The following GPM6B variants were observed in gnomAD, a reference collection of about 807,000 sequenced individuals.
The protein encoded by GPM6B is glycoprotein M6B.
Under a neutral mutation model 27.2 loss-of-function variants are expected in GPM6B, and 4 were observed. The ratio of observed to expected loss-of-function variants is 0.15; its 90% confidence interval spans 0.07 to 0.34. The LOEUF is 0.34. GPM6B is among the 10% of genes least tolerant of loss of function. The pLI, the probability that GPM6B is intolerant of heterozygous loss-of-function variation, is 1.00. For synonymous variants in GPM6B, 124 were observed against 103.1 expected (o/e 1.20, Z -1.23); for missense variants, 183 against 261.9 (o/e 0.70, Z 2.08).
upstream of GPM6B, among the ~76,000 whole-genome samples, chrX:13,819,877 C>T (rs1341968133): frequency 9.0e-6 from 1 of 111,504 alleles, no homozygotes; most frequent in Admixed American, 9.5e-5. Flanking sequence ...TGCAGTAATG[C>T]TTAGAAACCT....
At chrX:13,776,566 G>A (rs760508723) in intron 6 of GPM6B, among the ~76,000 whole-genome samples, 1 of 111,917 alleles carries the variant, frequency 8.9e-6, no homozygotes, top group African/African-American at 3.3e-5. Flanking sequence ...ACATAGTGCT[G>A]CCTTGATGGC....
chrX:13,822,804 G>T (rs143993041), intron 1 of GPM6B, among the ~76,000 whole-genome samples: 1 of 111,574 alleles, frequency 9.0e-6, no homozygotes, highest in Admixed American at 9.5e-5. Flanking sequence ...TTAAATAGTA[G>T]ACAGAAAAGA....
intron 1 of GPM6B, among the ~76,000 whole-genome samples, chrX:13,833,809 C>A (rs2147220069): frequency 8.9e-6 from 1 of 112,571 alleles, no homozygotes; most frequent in African/African-American, 3.2e-5. Flanking sequence ...CAAGTGGAAT[C>A]AGAACGGGCT....
At chrX:13,840,005 A>G (rs1472287592) in intron 1 of GPM6B, among the ~76,000 whole-genome samples, 1 of 111,547 alleles carries the variant, frequency 9.0e-6, no homozygotes, top group Non-Finnish European at 1.9e-5. Context: ...ACAGAATAGA[A>G]CGCCCTGAAA....
chrX:13,847,493 G>GCCT (rs2049664066), intron 1 of GPM6B, among the ~76,000 whole-genome samples: 1 of 111,397 alleles, frequency 9.0e-6, no homozygotes, highest in Admixed American at 9.5e-5. Flanking sequence ...ATCCTATTGA[G>GCCT]CCTCCTCCTC....
intron 1 of GPM6B, among the ~76,000 whole-genome samples, chrX:13,892,092 G>C (rs2050193894): frequency 9.0e-6 from 1 of 111,694 alleles, no homozygotes; most frequent in Non-Finnish European, 1.9e-5. Flanking sequence ...TTTCATTTCA[G>C]GGCCAGAAAA....
At chrX:13,893,382 G>A (rs1051916993) in intron 1 of GPM6B, among the ~76,000 whole-genome samples, 2 of 101,903 alleles carry the variant, frequency 2.0e-5, no homozygotes, top group African/African-American at 7.4e-5. Flanking sequence ...CTACAAGCAC[G>A]AGACGGTGTG....
chrX:13,936,349 G>GA (rs1921836681), intron 1 of GPM6B, among the ~76,000 whole-genome samples: 2 of 111,836 alleles, frequency 1.8e-5, no homozygotes, highest in African/African-American at 6.5e-5. Flanking sequence ...TGAGTCTGAA[G>GA]GGACTTTTAT....
At chrX:13,776,872 T>G (rs2048421980) in intron 6 of GPM6B, among the ~76,000 whole-genome samples, 1 of 112,023 alleles carries the variant, frequency 8.9e-6, no homozygotes, top group Non-Finnish European at 1.9e-5. Flanking sequence ...TAGCAAGTCA[T>G]TCCAGAAATA....
At chrX:13,912,405 A>G (rs1310203426) in intron 1 of GPM6B, among the ~76,000 whole-genome samples, 2 of 111,206 alleles carry the variant, frequency 1.8e-5, no homozygotes, top group African/African-American at 6.5e-5. Flanking sequence ...AGCATCTAAA[A>G]CCCAACTGCA....
chrX:13,897,082 TTTGC>T (rs1450494921), intron 1 of GPM6B, among the ~76,000 whole-genome samples: 1 of 112,468 alleles, frequency 8.9e-6, no homozygotes, highest in Non-Finnish European at 1.9e-5. Context: ...AAAGTCTGTG[TTTGC>T]TTGTGTTAAG....
At chrX:13,812,048 C>CTTTTTTTTTTT (rs1187553585) in intron 1 of GPM6B, among the ~76,000 whole-genome samples, 1 of 88,916 alleles carries the variant, frequency 1.1e-5, no homozygotes. Flanking sequence ...TCTTTTCTTT[C>CTTTTTTTTTTT]TTTTTTTTTT....
chrX:13,788,540 G>A (rs913324122), intron 2 of GPM6B, among the ~76,000 whole-genome samples: 7 of 109,249 alleles, frequency 6.4e-5, no homozygotes, highest in Admixed American at 5.0e-4. Context: ...AATTCTCTGT[G>A]TGTATATATA....
intron 1 of GPM6B, among the ~76,000 whole-genome samples, chrX:13,894,964 G>A (rs1486011935): frequency 8.9e-6 from 1 of 111,887 alleles, no homozygotes; most frequent in African/African-American, 3.2e-5. Flanking sequence ...TAATAAGTAA[G>A]TCGCAGTCAC....
intron 1 of GPM6B, among the ~76,000 whole-genome samples, chrX:13,905,563 C>T (rs1569297911): frequency 9.0e-6 from 1 of 111,708 alleles, no homozygotes; most frequent in East Asian, 2.8e-4. Flanking sequence ...TGACCGCCTC[C>T]AAGAAGGAGT....
Position 13,790,881 on chromosome X carries a change from C to A in GPM6B, c.182-5073G>T, listed in dbSNP as rs779649823. The stretch of plus-strand genomic sequence containing the variant: ...GATTTCTAAACACACACACTCCAAC[C>A]ACCCCCTAAAGTGCTGGGAGTGCCT... On this transcript the variant is annotated intron_variant, in intron 2 of 7. Coordinates refer to ENST00000316715, the MANE Select transcript of GPM6B (RefSeq NM_001001995.3). Among the ~76,000 whole-genome samples the A allele has an allele frequency of 5.0e-5, 3 of 59,512 alleles. No individual in the cohort carries two copies. The East Asian group carries it at 2.8e-3, about 57-fold the overall frequency. The allele number at this position is 59,512 out of a possible 115,157, so 51.7% of individuals were successfully genotyped here.
intron 1 of GPM6B, among the ~76,000 whole-genome samples, chrX:13,829,758 C>G (rs932613278): frequency 9.0e-6 from 1 of 111,300 alleles, no homozygotes; most frequent in African/African-American, 3.3e-5. Flanking sequence ...AAAAGACATG[C>G]CTTCAAGGGT....
At chrX:13,776,401 T>G in intron 6 of GPM6B, 98 bp from the exon 7 acceptor site, 1 of 644,011 alleles carries the variant, frequency 1.6e-6, no homozygotes, top group South Asian at 3.4e-5. Context: ...TTTGCAGCTC[T>G]TCTCTGCAAG....
At chrX:13,861,756 G>A (rs1018330423) in intron 1 of GPM6B, among the ~76,000 whole-genome samples, 9 of 112,036 alleles carry the variant, frequency 8.0e-5, no homozygotes, top group Non-Finnish European at 1.5e-4. Flanking sequence ...ATTAACAGAA[G>A]TAATATACAC....
Sources: gnomAD v4.1 joint callset for allele counts (sites outside exome capture counted in the v4.1 genomes callset) on GRCh38, gnomAD v4.1.1 for gene constraint, MANE v1.5 for transcripts, NCBI Gene and HGNC (gene_info 2026-07-23, HGNC 2026-07-21) for gene names.